SSBP2: variants seen among roughly 807,000 people sequenced by gnomAD.
The protein encoded by SSBP2 is single-stranded DNA-binding protein 2.
Under a neutral mutation model 61.8 loss-of-function variants are expected in SSBP2, and 17 were observed. The ratio of observed to expected loss-of-function variants is 0.28; its 90% confidence interval spans 0.19 to 0.41. SSBP2 has a LOEUF of 0.41. Ranked by LOEUF, SSBP2 falls within the 10% of genes least tolerant of loss-of-function variation. The pLI is 1.00. For synonymous variants in SSBP2, 139 were observed against 141.3 expected (o/e 0.98, Z 0.12); for missense variants, 310 against 458.7 (o/e 0.68, Z 2.96).
Position 81,466,307 on chromosome 5 carries a change from T to G in SSBP2, c.638+667A>C, listed in dbSNP as rs1764887962. On this transcript the variant is annotated intron_variant, in intron 9 of 16. Transcript: ENST00000320672. ...TCCTAACAAACTACATTATATTGGC[T>G]GATAGAAACAAACTACTCTCTTTGG... Among the ~76,000 whole-genome samples the G allele has an allele frequency of 2.0e-5, 3 of 152,066 alleles. No homozygotes were observed. In the South Asian group the frequency reaches 6.2e-4, roughly 31 times the overall value.
chr5:81,561,236 G>C (rs1048347086), intron 4 of SSBP2, among the ~76,000 whole-genome samples: 2 of 151,998 alleles, frequency 1.3e-5, no homozygotes, highest in African/African-American at 4.8e-5. Context: ...GAAAATAATA[G>C]CCAAAGAGAC....
intron 4 of SSBP2, among the ~76,000 whole-genome samples, chr5:81,549,122 TA>T (rs1771978834): frequency 6.6e-6 from 1 of 152,206 alleles, no homozygotes; most frequent in South Asian, 2.1e-4. Flanking sequence ...TTAAAAATGT[TA>T]AATTTCCAAA....
intron 1 of SSBP2, among the ~76,000 whole-genome samples, chr5:81,685,376 G>C (rs1752695942): frequency 6.6e-6 from 1 of 152,220 alleles, no homozygotes; most frequent in Non-Finnish European, 1.5e-5. Context: ...ATATGATAAT[G>C]ATGTCTTAAT....
rs1398074670 is a variant in SSBP2, at chr5:81,448,771, C to G, written c.723+19G>C. 1 of 1,610,618 alleles carries G rather than the reference C, an allele frequency of 6.2e-7. No individual in the cohort carries two copies. Among genetic ancestry groups the G allele is most frequent in the South Asian group, 1.1e-5 (1 of 90,750 alleles). ...TGTAACATCAATTCTTATAAGCAAACAAACCCAAATGTACTTACTACATAA... is the reference window on the plus strand; with the variant it reads ...TGTAACATCAATTCTTATAAGCAAAGAAACCCAAATGTACTTACTACATAA... On this transcript the variant is annotated intron_variant, in intron 11 of 16. Transcript: ENST00000320672.
At chr5:81,544,473 G>T (rs767413872) in intron 4 of SSBP2, among the ~76,000 whole-genome samples, 1 of 152,152 alleles carries the variant, frequency 6.6e-6, no homozygotes, top group Admixed American at 6.5e-5. Flanking sequence ...GAGCAGGTGT[G>T]TCTCTTGAAC....
At chr5:81,468,696 A>G (rs1016300854) in intron 8 of SSBP2, among the ~76,000 whole-genome samples, 3 of 152,018 alleles carry the variant, frequency 2.0e-5, no homozygotes. Context: ...AATAAATCAA[A>G]GAGAGCAGGT....
At chr5:81,732,757 G>A (rs1053252765) in intron 1 of SSBP2, among the ~76,000 whole-genome samples, 1 of 152,188 alleles carries the variant, frequency 6.6e-6, no homozygotes, top group African/African-American at 2.4e-5. Context: ...TTTTGTGCAA[G>A]TGCACCTATA....
At chr5:81,536,705 G>C (rs1245963004) in intron 4 of SSBP2, among the ~76,000 whole-genome samples, 1 of 152,060 alleles carries the variant, frequency 6.6e-6, no homozygotes, top group Non-Finnish European at 1.5e-5. Context: ...CACAGGACAG[G>C]AAAAATTACC....
intron 4 of SSBP2, among the ~76,000 whole-genome samples, chr5:81,526,673 CATT>C (rs1237193247): frequency 1.3e-5 from 2 of 151,856 alleles, no homozygotes; most frequent in Admixed American, 6.6e-5. Flanking sequence ...CTTTTGAATT[CATT>C]ATTTTCATTA....
intron 1 of SSBP2, among the ~76,000 whole-genome samples, chr5:81,658,317 G>A (rs866462623): frequency 5.3e-5 from 8 of 152,010 alleles, no homozygotes; most frequent in Admixed American, 2.6e-4. Flanking sequence ...TGTGGGTTCC[G>A]TGTGGTTGGA....
chr5:81,570,085 T>C (rs997662150), intron 4 of SSBP2, among the ~76,000 whole-genome samples: 12 of 152,218 alleles, frequency 7.9e-5, no homozygotes, highest in Non-Finnish European at 1.5e-5. Context: ...GATATACTAC[T>C]TGTCTAACAG....
chr5:81,589,905 C>A (rs1000538757), intron 4 of SSBP2, among the ~76,000 whole-genome samples: 3 of 152,020 alleles, frequency 2.0e-5, no homozygotes, highest in African/African-American at 7.2e-5. Context: ...AAACTCACAG[C>A]CCCCTTTATG....
At chr5:81,684,813 ATGAGT>A (rs570872773) in intron 1 of SSBP2, among the ~76,000 whole-genome samples, 54 of 152,284 alleles carry the variant, frequency 3.5e-4, no homozygotes, top group African/African-American at 1.2e-3. Context: ...TTAATGCTGA[ATGAGT>A]TAAGACTTGG....
intron 3 of SSBP2, 57 bp downstream of exon 3, chr5:81,636,500 T>A: frequency 7.3e-7 from 1 of 1,370,702 alleles, no homozygotes; most frequent in Non-Finnish European, 1.0e-6. Context: ...ACAGGTATAG[T>A]ACAGGCCTAT....
chr5:81,607,346 A>G (rs1482178980), intron 4 of SSBP2, among the ~76,000 whole-genome samples: 1 of 152,184 alleles, frequency 6.6e-6, no homozygotes, highest in Non-Finnish European at 1.5e-5. Context: ...TCTCATTCAG[A>G]AATAGTATGC....
intron 4 of SSBP2, among the ~76,000 whole-genome samples, chr5:81,600,175 T>C (rs188164757): frequency 1.2e-4 from 19 of 152,250 alleles, no homozygotes; most frequent in Middle Eastern, 3.4e-3. Flanking sequence ...AAATAATATG[T>C]AATAATAATT....
At chr5:81,513,744 C>G in intron 4 of SSBP2, 27 bp from the exon 5 acceptor site, 1 of 1,506,632 alleles carries the variant, frequency 6.6e-7, no homozygotes, top group Non-Finnish European at 9.2e-7. Flanking sequence ...AGAAACAAAC[C>G]TATATCATTA....
At chr5:81,630,515 G>GA (rs1235594135) in intron 3 of SSBP2, among the ~76,000 whole-genome samples, 4 of 151,938 alleles carry the variant, frequency 2.6e-5, no homozygotes, top group East Asian at 1.9e-4. Context: ...AGCTTTAGGG[G>GA]AAAAAATATA....
chr5:81,607,745 T>C (rs753344930), intron 4 of SSBP2, among the ~76,000 whole-genome samples: 15 of 152,186 alleles, frequency 9.9e-5, no homozygotes, highest in Admixed American at 6.5e-5. Flanking sequence ...ACAAAAATCA[T>C]TCAGCCATTG....
Sources: gnomAD v4.1 joint callset for allele counts (sites outside exome capture counted in the v4.1 genomes callset) on GRCh38, gnomAD v4.1.1 for gene constraint, MANE v1.5 for transcripts, NCBI Gene and HGNC (gene_info 2026-07-23, HGNC 2026-07-21) for gene names.